ZHX2: variants seen among roughly 807,000 people sequenced by gnomAD.
The protein encoded by ZHX2 is zinc fingers and homeoboxes protein 2.
A neutral mutation model predicts 21.9 loss-of-function variants in ZHX2; 6 were observed. The ratio of observed to expected loss-of-function variants is 0.27; its 90% CI spans 0.15 to 0.54. The LOEUF (loss-of-function observed/expected upper bound fraction) is 0.54. Among genes scored for constraint, ZHX2 ranks in the 20% least tolerant of loss-of-function variants. The pLI is 0.95. For missense variants in ZHX2, 908 were observed against 1,090.7 expected (o/e 0.83, Z 2.36); for synonymous variants, 434 against 437.1 (o/e 0.99, Z 0.09).
At chr8:122,785,497 A>C (rs1007942218) in intron 1 of ZHX2, among the ~76,000 whole-genome samples, 1 of 152,236 alleles carries the variant, frequency 6.6e-6, no homozygotes, top group African/African-American at 2.4e-5. Context: ...AATGAGTCTC[A>C]AAGAGCTTTT....
intron 1 of ZHX2, among the ~76,000 whole-genome samples, chr8:122,844,711 C>T (rs1181076386): frequency 6.6e-6 from 1 of 152,174 alleles, no homozygotes; most frequent in Non-Finnish European, 1.5e-5. Context: ...CACTGAGTCT[C>T]TCTCTCTCTT....
At chr8:122,807,352 T>C (rs934731390) in intron 1 of ZHX2, among the ~76,000 whole-genome samples, 3 of 152,232 alleles carry the variant, frequency 2.0e-5, no homozygotes, top group Admixed American at 2.0e-4. Context: ...ATATTACATA[T>C]TTGTTGACTC....
chr8:122,846,231 G>A (rs996974600), intron 1 of ZHX2, among the ~76,000 whole-genome samples: 12 of 152,320 alleles, frequency 7.9e-5, no homozygotes, highest in Admixed American at 7.8e-4. Flanking sequence ...GTTGTGGGGA[G>A]GGGAGTTAGG....
chr8:122,823,871 C>T (rs371646187), intron 1 of ZHX2, among the ~76,000 whole-genome samples: 2 of 152,174 alleles, frequency 1.3e-5, no homozygotes, highest in East Asian at 1.9e-4. Context: ...TTGACTTTTG[C>T]GTTGTCTGTC....
At chr8:122,876,008 A>G (rs1819562620) in intron 2 of ZHX2, among the ~76,000 whole-genome samples, 1 of 152,062 alleles carries the variant, frequency 6.6e-6, no homozygotes, top group Non-Finnish European at 1.5e-5. Context: ...GCATCCATCC[A>G]TCCATCCCAT....
chr8:122,901,598 G>A (rs1357240737), intron 2 of ZHX2, among the ~76,000 whole-genome samples: 2 of 152,256 alleles, frequency 1.3e-5, no homozygotes, highest in Admixed American at 6.5e-5. Flanking sequence ...TAATTGTTGG[G>A]CAATGCTTCC....
chr8:122,943,240 CA>C (rs1812890108), intron 2 of ZHX2, among the ~76,000 whole-genome samples: 1 of 150,436 alleles, frequency 6.6e-6, no homozygotes, highest in Admixed American at 6.6e-5. Flanking sequence ...CCAGCCTGGG[CA>C]AAAGAGGGAA....
chr8:122,874,778 T>C (rs1373022500), intron 2 of ZHX2, among the ~76,000 whole-genome samples: 3 of 152,016 alleles, frequency 2.0e-5, no homozygotes, highest in Non-Finnish European at 2.9e-5. Context: ...GACCATAAAG[T>C]CTGAGCTTCT....
At chr8:122,844,715 C>G (rs1376793490) in intron 1 of ZHX2, among the ~76,000 whole-genome samples, 3 of 152,192 alleles carry the variant, frequency 2.0e-5, no homozygotes, top group Admixed American at 6.5e-5. Context: ...GAGTCTCTCT[C>G]TCTCTTTCTC....
chr8:122,864,729 T>C (rs938318116), intron 2 of ZHX2, among the ~76,000 whole-genome samples: 9 of 152,102 alleles, frequency 5.9e-5, no homozygotes, highest in African/African-American at 2.2e-4. Context: ...CGTGGGCTCT[T>C]GGGCAGGGGC....
chr8:122,885,856 G>C (rs1819828870), intron 2 of ZHX2, among the ~76,000 whole-genome samples: 1 of 152,180 alleles, frequency 6.6e-6, no homozygotes, highest in Admixed American at 6.5e-5. Flanking sequence ...AAAGCCCATA[G>C]TCTGTAGCCC....
intron 1 of ZHX2, among the ~76,000 whole-genome samples, chr8:122,861,968 G>A (rs1006026445): frequency 6.6e-6 from 1 of 152,180 alleles, no homozygotes; most frequent in Non-Finnish European, 1.5e-5. Context: ...CAACTTACTG[G>A]AATCAAAATA....
intron 3 of ZHX2, among the ~76,000 whole-genome samples, chr8:122,957,041 G>A (rs776124236): frequency 8.5e-5 from 13 of 152,136 alleles, no homozygotes; most frequent in Non-Finnish European, 1.5e-4. Flanking sequence ...AACGAAGGTC[G>A]CCTGAATAGC....
chr8:122,955,105 A>G (rs1357348720), intron 3 of ZHX2, among the ~76,000 whole-genome samples: 2 of 140,666 alleles, frequency 1.4e-5, no homozygotes, highest in South Asian at 2.2e-4. Context: ...TTCCATGGTT[A>G]CTAATGGCCA....
chr8:122,947,911 C>A (rs1322985306), intron 2 of ZHX2, among the ~76,000 whole-genome samples: 1 of 151,940 alleles, frequency 6.6e-6, no homozygotes, highest in Non-Finnish European at 1.5e-5. Flanking sequence ...GAGGTGAGAT[C>A]AAGACTCTGA....
At chr8:122,970,891 A>G (rs1189474054) in intron 3 of ZHX2, among the ~76,000 whole-genome samples, 2 of 152,158 alleles carry the variant, frequency 1.3e-5, no homozygotes, top group Non-Finnish European at 2.9e-5. Context: ...TGAAGCCACC[A>G]TGCTCTCTTC....
intron 1 of ZHX2, among the ~76,000 whole-genome samples, chr8:122,858,192 C>T (rs1286480182): frequency 1.3e-5 from 2 of 152,212 alleles, no homozygotes; most frequent in Admixed American, 1.3e-4. Context: ...CTCTGTCTCT[C>T]TCGTGTGCTC....
chr8:122,848,365 GCTT>G (rs1818803932), intron 1 of ZHX2, among the ~76,000 whole-genome samples: 1 of 152,096 alleles, frequency 6.6e-6, no homozygotes, highest in Non-Finnish European at 1.5e-5. Context: ...TCATTCCTTT[GCTT>G]CTTGCTCTCC....
intron 1 of ZHX2, among the ~76,000 whole-genome samples, chr8:122,835,080 G>C (rs1036029305): frequency 1.3e-5 from 2 of 152,176 alleles, no homozygotes; most frequent in Non-Finnish European, 2.9e-5. Flanking sequence ...ATAACCTAGA[G>C]GTCATGCCGG....
Sources: allele counts gnomAD v4.1 joint callset (sites outside exome capture counted in the v4.1 genomes callset), GRCh38; gene constraint gnomAD v4.1.1; transcripts MANE v1.5; gene names NCBI Gene and HGNC (gene_info 2026-07-23, HGNC 2026-07-21).